AP4S1: variants seen among roughly 807,000 people sequenced by gnomAD.
AP4S1 encodes the protein AP-4 complex subunit sigma-1.
AP4S1 carries 23 observed loss-of-function variants against 19.8 expected under a neutral mutation model. The observed-to-expected ratio is 1.16, with a 90% CI of 0.84 to 1.65. AP4S1 has a LOEUF of 1.65. Ranked by LOEUF, AP4S1 falls within the 40% of genes most tolerant of loss-of-function variation. The pLI is 0.00. For missense variants in AP4S1, 166 were observed against 172.8 expected (o/e 0.96, Z 0.22); for synonymous variants, 46 against 54.1 (o/e 0.85, Z 0.66).
chr14:31,060,047 A>G (rs969897528), intron 1 of AP4S1, among the ~76,000 whole-genome samples: 2 of 147,434 alleles, frequency 1.4e-5, no homozygotes, highest in Non-Finnish European at 3.0e-5. Context: ...ATGTATATAT[A>G]TTTATATATT....
intron 5 of AP4S1, among the ~76,000 whole-genome samples, chr14:31,087,953 TG>T (rs1566548698): frequency 6.6e-6 from 1 of 152,126 alleles, no homozygotes; most frequent in Non-Finnish European, 1.5e-5. Context: ...TGCCAGAGAG[TG>T]AGGACTGGCC....
In AP4S1 at chr14:31,025,702, G is replaced by C; in HGVS notation, c.-157G>C. On this transcript the variant is annotated 5_prime_UTR_variant, in exon 1 of 6. Coordinates refer to ENST00000542754, the MANE Select transcript of AP4S1 (RefSeq NM_001128126.3). ...AGGCCCGCACCGCGTAGCCAGTGAA[G>C]GTTGGGGAGCAAGCTTATGCGGGAA... The C allele has an allele frequency of 1.3e-6, 1 of 780,658 alleles. No homozygotes were observed. The highest frequency in any genetic ancestry group is 3.0e-5 in the East Asian group (1 of 33,568). The allele number at this position is 780,658 out of a possible 1,614,324, so 48.4% of individuals were successfully genotyped here. A position where few individuals can be genotyped will look rare whatever the true frequency, so the allele number is the denominator to read the frequency against.
intron 1 of AP4S1, among the ~76,000 whole-genome samples, chr14:31,034,255 C>T (rs555688480): frequency 1.3e-5 from 2 of 152,176 alleles, no homozygotes; most frequent in East Asian, 3.9e-4. Context: ...TTTATAACAG[C>T]ATATTTTTAA....
chr14:31,045,963 GAT>G (rs1491143974), intron 1 of AP4S1, among the ~76,000 whole-genome samples: 24 of 119,788 alleles, frequency 2.0e-4, no homozygotes, highest in African/African-American at 7.0e-4. Context: ...GAAGGAGCTA[GAT>G]TTTTTTTTTT....
At chr14:31,030,893 G>A (rs1301286144) in intron 1 of AP4S1, among the ~76,000 whole-genome samples, 2 of 152,170 alleles carry the variant, frequency 1.3e-5, no homozygotes, top group African/African-American at 4.8e-5. Flanking sequence ...AACGGAATGT[G>A]ACTACGTTCA....
At chr14:31,055,076 A>G (rs187767055) in intron 1 of AP4S1, among the ~76,000 whole-genome samples, 1 of 150,648 alleles carries the variant, frequency 6.6e-6, no homozygotes, top group Non-Finnish European at 1.5e-5. Context: ...CTGTCAAGGT[A>G]TATCTCTGTA....
intron 4 of AP4S1, among the ~76,000 whole-genome samples, chr14:31,074,659 C>G (rs553322602): frequency 4.4e-4 from 67 of 152,228 alleles, no homozygotes; most frequent in African/African-American, 1.3e-3. Flanking sequence ...GGCGACAGAG[C>G]AAGACTCCGT....
At chr14:31,069,723 T>C in intron 2 of AP4S1, 120 bp from the exon 3 acceptor site, 1 of 829,104 alleles carries the variant, frequency 1.2e-6, no homozygotes, top group East Asian at 2.5e-5. Flanking sequence ...GTGTAACATC[T>C]TAATATTCTA....
chr14:31,026,450 G>A, intron 1 of AP4S1: 1 of 412,290 alleles, frequency 2.4e-6, no homozygotes, highest in Non-Finnish European at 4.3e-6. Flanking sequence ...AGTTGGGAAG[G>A]GGATAGGCGG....
At chr14:31,038,418 G>A (rs1385179549) in intron 1 of AP4S1, among the ~76,000 whole-genome samples, 1 of 152,092 alleles carries the variant, frequency 6.6e-6, no homozygotes, top group Non-Finnish European at 1.5e-5. Flanking sequence ...TACCTTTTGT[G>A]GTGTGCTCCA....
chr14:31,032,086 A>G (rs1328729588), intron 1 of AP4S1, among the ~76,000 whole-genome samples: 28 of 121,026 alleles, frequency 2.3e-4, no homozygotes, highest in Middle Eastern at 4.1e-3. Flanking sequence ...AAAAAAAAAA[A>G]AAAAAGAAAA....
intron 1 of AP4S1, among the ~76,000 whole-genome samples, chr14:31,055,056 C>T (rs1886030207): frequency 6.6e-6 from 1 of 150,702 alleles, no homozygotes; most frequent in Non-Finnish European, 1.5e-5. Flanking sequence ...CTGACCAATA[C>T]TCTTCAAAAC....
chr14:31,026,787 C>T (rs1171520812), intron 1 of AP4S1: 1 of 152,366 alleles, frequency 6.6e-6, no homozygotes, highest in African/African-American at 2.4e-5. Flanking sequence ...TCCCGGCTTT[C>T]TGAGCTGGTT....
At position 31,025,733 on chromosome 14, in the gene AP4S1, G is replaced by A. The variant is rs777781307; in HGVS notation, c.-126G>A. The stretch of plus-strand genomic sequence containing the variant: ...GGAGCAAGCTTATGCGGGAAAGAGG[G>A]AGGGGGACTCCAGGAAAAGCCGTTG... On this transcript the variant is annotated 5_prime_UTR_variant, in exon 1 of 6. Transcript: ENST00000542754. The A allele has an allele frequency of 2.4e-4, 210 of 891,962 alleles. No individual in the cohort carries two copies. Among genetic ancestry groups the A allele is most frequent in the Non-Finnish European group, 3.1e-4 (189 of 606,726 alleles). The allele number at this position is 891,962 out of a possible 1,614,324, so 55.3% of individuals were successfully genotyped here. A position where few individuals can be genotyped will look rare whatever the true frequency, so the allele number is the denominator to read the frequency against.
chr14:31,071,889 T>TTTTA lies in AP4S1; in HGVS notation c.226-988_226-985dup, dbSNP rs199990301. Among the ~76,000 whole-genome samples, 847 of 148,374 alleles carry TTTTA rather than the reference T, an allele frequency of 5.7e-3. 8 individuals are homozygous for TTTTA. Among genetic ancestry groups the TTTTA allele is most frequent in the African/African-American group, 0.016 (634 of 40,226 alleles). ...CACCAAGATACCTGGATATTTTTAC[T>TTTTA]TTTATTTATTTATTTATTTATTTAT... On this transcript the variant is annotated intron_variant, in intron 3 of 5. Transcript: ENST00000542754.
chr14:31,085,461 G>A (rs780547196), intron 5 of AP4S1: 9 of 985,982 alleles, frequency 9.1e-6, no homozygotes, highest in East Asian at 1.1e-4. Context: ...GCTAGAATCC[G>A]GAATGTTTTC....
chr14:31,087,908 T>G (rs1887964460), intron 5 of AP4S1, among the ~76,000 whole-genome samples: 2 of 152,212 alleles, frequency 1.3e-5, no homozygotes. Context: ...AAAACATCTT[T>G]TTTCCTTTTG....
intron 1 of AP4S1, among the ~76,000 whole-genome samples, chr14:31,042,275 C>T (rs1358685727): frequency 1.3e-5 from 2 of 152,160 alleles, no homozygotes; most frequent in Non-Finnish European, 2.9e-5. Flanking sequence ...GGTCTGCTTG[C>T]GACTAGCTTT....
At position 31,072,995 on chromosome 14, in the gene AP4S1, T is replaced by A. The variant is rs777172958; in HGVS notation, c.294+22T>A. The A allele has an allele frequency of 2.5e-6, 4 of 1,603,200 alleles. No individual in the cohort carries two copies. In the African/African-American group the frequency reaches 5.4e-5, roughly 21 times the overall value. ...AGTGGTAAGTCTAATGGCTAAAAAATGGTTTACTTCCTCAACCCAGTTTCC... is the reference window on the plus strand; with the variant it reads ...AGTGGTAAGTCTAATGGCTAAAAAAAGGTTTACTTCCTCAACCCAGTTTCC... On this transcript the variant is annotated intron_variant, in intron 4 of 5. Coordinates refer to ENST00000542754, the MANE Select transcript of AP4S1 (RefSeq NM_001128126.3).
Sources: gnomAD v4.1 joint callset for allele counts (sites outside exome capture counted in the v4.1 genomes callset) on GRCh38, gnomAD v4.1.1 for gene constraint, MANE v1.5 for transcripts, NCBI Gene and HGNC (gene_info 2026-07-23, HGNC 2026-07-21) for gene names.